Variants in CALB1 observed in about 807,000 individuals in gnomAD.
The protein encoded by CALB1 is calbindin 1.
A neutral mutation model predicts 46.7 loss-of-function variants in CALB1; 16 were observed. That is an observed-to-expected ratio of 0.34 (90% CI 0.23 to 0.52). The LOEUF is 0.52. Ranked by LOEUF, CALB1 falls within the 20% of genes least tolerant of loss-of-function variation. The pLI is 0.95. For synonymous variants in CALB1, 90 were observed against 112.8 expected (o/e 0.80, Z 1.28); for missense variants, 224 against 300.3 (o/e 0.75, Z 1.88).
chr8:90,060,310 G>A lies in CALB1; in HGVS notation c.673-24C>T, dbSNP rs768270374. The A allele has an allele frequency of 2.9e-5, 40 of 1,379,980 alleles. 1 individual carries two copies. The highest frequency in any genetic ancestry group is 1.0e-6 in the Non-Finnish European group (1 of 967,454). The allele number at this position is 1,379,980 out of a possible 1,614,324, so 85.5% of individuals were successfully genotyped here. On this transcript the variant is annotated intron_variant, in intron 10 of 10. Transcript: ENST00000265431. ...TCCTGTACAGAATATAAATGGCATT[G>A]TAATCCAGTTAAATATGGAAGTTAA... is the stretch of plus-strand genomic sequence containing the variant.
intron 3 of CALB1, among the ~76,000 whole-genome samples, chr8:90,070,483 T>A (rs1814492123): frequency 6.6e-6 from 1 of 152,176 alleles, no homozygotes; most frequent in African/African-American, 2.4e-5. Context: ...ATTTAATATT[T>A]AATATAAAAT....
At chr8:90,061,426 AAG>A in intron 9 of CALB1, 1 of 152,330 alleles carries the variant, frequency 6.6e-6, no homozygotes, top group Admixed American at 6.5e-5. Context: ...CCAAATTGGA[AAG>A]AGAGAAGTTA....
rs1013999857 is a variant in CALB1, at chr8:90,082,708, G to T, written c.-11C>A. 6.2e-7 allele frequency: 1 copy of T among 1,612,938 alleles called. No homozygotes were observed. The highest frequency in any genetic ancestry group is 8.5e-7 in the Non-Finnish European group (1 of 1,179,030). On this transcript the variant is annotated 5_prime_UTR_variant, in exon 1 of 11. Coordinates refer to ENST00000265431, the MANE Select transcript of CALB1 (RefSeq NM_004929.4). ...GTGGGATTCTGCCATTGTACAGCGGGGTGTGTGTCTGGGTGTGTGAATATG... is the reference window on the plus strand; with the variant it reads ...GTGGGATTCTGCCATTGTACAGCGGTGTGTGTGTCTGGGTGTGTGAATATG...
intron 9 of CALB1, 23 bp downstream of exon 9, chr8:90,063,077 A>C: frequency 6.4e-7 from 1 of 1,566,026 alleles, no homozygotes; most frequent in East Asian, 2.2e-5. Flanking sequence ...TAAAAAAGAA[A>C]GGAAAAAGTA....
At position 90,059,378 on chromosome 8, in the gene CALB1, T is replaced by C. The variant is rs970383405; in HGVS notation, c.*795A>G. ...AGTATGCAAACTAGACACCAGGATA[T>C]GCAGTATATTAAATTTAATCAGAGA... is the stretch of plus-strand genomic sequence containing the variant. On this transcript the variant is annotated 3_prime_UTR_variant, in exon 11 of 11. Transcript: ENST00000265431. The C allele has an allele frequency of 5.2e-5, 8 of 152,558 alleles. No individual in the cohort carries two copies. Among genetic ancestry groups the C allele is most frequent in the African/African-American group, 1.9e-4 (8 of 41,420 alleles). The allele number at this position is 152,558 out of a possible 1,614,324, so 9.5% of individuals were successfully genotyped here.
intron 3 of CALB1, among the ~76,000 whole-genome samples, chr8:90,071,286 C>CT (rs200494025): frequency 6.6e-6 from 1 of 151,920 alleles, no homozygotes; most frequent in Admixed American, 6.6e-5. Context: ...ATAAAAATCC[C>CT]TTTTTTTTCC....
chr8:90,082,625 C>A lies in CALB1; in HGVS notation c.73G>T (p.Ala25Ser). 6.2e-7 allele frequency: 1 copy of A among 1,613,036 alleles called. No individual in the cohort carries two copies. Residue 25 changes from alanine to serine, a missense_variant, in exon 1 of 11, where the codon GCT becomes TCT. Transcript: ENST00000265431. ...AAAAAGAGAAGATAATCACCGTCAG[C>A]GTCGAAATGGAGCCAGATCTCGAAA... The part of the protein sequence containing the change: ...QFFEIWLHFD[A>S]DGSGYLEGKE...
At chr8:90,069,924 C>T (rs1329354904) in intron 3 of CALB1, among the ~76,000 whole-genome samples, 4 of 151,762 alleles carry the variant, frequency 2.6e-5, no homozygotes, top group Non-Finnish European at 5.9e-5. Context: ...CACGGCATGC[C>T]TCTATGACAT....
At chr8:90,081,224 A>ATAGC (rs1356405632) in intron 2 of CALB1, among the ~76,000 whole-genome samples, 23 of 152,360 alleles carry the variant, frequency 1.5e-4, no homozygotes, top group Admixed American at 9.1e-4. Context: ...AATAACGAAC[A>ATAGC]TAGCCATTTT....
chr8:90,067,883 T>C (rs941806013), intron 5 of CALB1, among the ~76,000 whole-genome samples: 1 of 152,150 alleles, frequency 6.6e-6, no homozygotes, highest in African/African-American at 2.4e-5. Flanking sequence ...AATCTCACTG[T>C]TTTTATATTA....
chr8:90,063,047 A>ATGTTGTGTTCTTACTTC, intron 9 of CALB1, 53 bp downstream of exon 9: 2 of 1,279,736 alleles, frequency 1.6e-6, no homozygotes, highest in Non-Finnish European at 2.2e-6. Flanking sequence ...AGAGGATCTT[A>ATGTTGTGTTCTTACTTC]TGTTGTGTTC....
intron 3 of CALB1, among the ~76,000 whole-genome samples, chr8:90,070,837 AGTGTGTGTGTGTGTGTGT>A (rs35368479): frequency 1.6e-5 from 2 of 121,620 alleles, no homozygotes; most frequent in East Asian, 2.1e-4. Context: ...GCATCATTGC[AGTGTGTGTGTGTGTGTGT>A]GTGTGTGTGT....
At chr8:90,080,215 C>A (rs1366837299) in intron 2 of CALB1, among the ~76,000 whole-genome samples, 1 of 151,790 alleles carries the variant, frequency 6.6e-6, no homozygotes, top group Non-Finnish European at 1.5e-5. Context: ...ATAATTGGAG[C>A]TTTGAATATT....
intron 3 of CALB1, among the ~76,000 whole-genome samples, chr8:90,076,363 T>A (rs1321396573): frequency 6.6e-6 from 1 of 152,036 alleles, no homozygotes; most frequent in Non-Finnish European, 1.5e-5. Flanking sequence ...GGGTTCTGAC[T>A]GTTCTACCAT....
chr8:90,081,858 A>C (rs7815279), intron 2 of CALB1, among the ~76,000 whole-genome samples, 168 bp downstream of exon 2: 112,104 of 150,142 alleles, frequency 0.75, 41,664 homozygotes, highest in African/African-American at 0.8. Flanking sequence ...CCCCTTTCCC[A>C]TTTCTCTGTA....
chr8:90,058,663 G>T lies in CALB1; in HGVS notation c.*1510C>A, dbSNP rs1275338794. ...AGTAGTTAAATTCAGTCTAATGGCA[G>T]TGCTTCCATTTACACGCTAAAGGCA... On this transcript the variant is annotated 3_prime_UTR_variant, in exon 11 of 11. Transcript: ENST00000265431. 1 of 152,164 alleles carries T rather than the reference G, an allele frequency of 6.6e-6. No individual in the cohort carries two copies. Among genetic ancestry groups the T allele is most frequent in the African/African-American group, 2.4e-5 (1 of 41,430 alleles). 9.4% of individuals were successfully genotyped at this position (152,164 alleles called of 1,614,324 possible).
At chr8:90,070,503 T>C (rs1814492486) in intron 3 of CALB1, among the ~76,000 whole-genome samples, 1 of 152,204 alleles carries the variant, frequency 6.6e-6, no homozygotes, top group Non-Finnish European at 1.5e-5. Flanking sequence ...TGCACTATTC[T>C]ACTTTATATG....
chr8:90,069,328 G>A, intron 3 of CALB1, 91 bp from the exon 4 acceptor site: 1 of 939,166 alleles, frequency 1.1e-6, no homozygotes, highest in Admixed American at 1.9e-5. Context: ...TCTTCAACGT[G>A]TTCCCTCACA....
chr8:90,082,313 G>T, intron 1 of CALB1: 1 of 605,378 alleles, frequency 1.7e-6, no homozygotes. Context: ...TGGTTGGGGT[G>T]CTAAGCGCAG....
Sources: gnomAD v4.1 joint callset for allele counts (sites outside exome capture counted in the v4.1 genomes callset) on GRCh38, gnomAD v4.1.1 for gene constraint, MANE v1.5 for transcripts, NCBI Gene and HGNC (gene_info 2026-07-23, HGNC 2026-07-21) for gene names.